The following JARID2 variants were observed in gnomAD, a reference collection of about 807,000 sequenced individuals.
JARID2 encodes the protein protein Jumonji.
Under a neutral mutation model 125.6 loss-of-function variants are expected in JARID2, and 21 were observed. The ratio of observed to expected loss-of-function variants is 0.17; its 90% CI spans 0.12 to 0.24. The LOEUF is 0.24. Ranked by LOEUF, JARID2 falls within the 10% of genes least tolerant of loss-of-function variation. The probability of loss-of-function intolerance (pLI) is 1.00; values close to 1 mark genes in which losing one functional copy is unlikely to be tolerated. For missense variants in JARID2, 1,303 were observed against 1,639.6 expected (o/e 0.79, Z 3.55); for synonymous variants, 736 against 661.6 (o/e 1.11, Z -1.73).
intron 5 of JARID2, among the ~76,000 whole-genome samples, chr6:15,479,267 G>A (rs1386629590): frequency 6.6e-6 from 1 of 152,138 alleles, no homozygotes; most frequent in African/African-American, 2.4e-5. Context: ...GGGCCAAGAG[G>A]GCCAAGAAGC....
chr6:15,482,444 A>G (rs1172725068), intron 5 of JARID2, among the ~76,000 whole-genome samples: 3 of 152,254 alleles, frequency 2.0e-5, no homozygotes, highest in African/African-American at 7.2e-5. Flanking sequence ...CATTTAAAAA[A>G]TGACACAAAC....
rs192353784 is a variant in JARID2 at position 15,312,395 on chromosome 6, T to C, written c.46-61722T>C. Among the ~76,000 whole-genome samples, 4 of 152,312 alleles carry C rather than the reference T, an allele frequency of 2.6e-5. No individual in the cohort carries two copies. In the South Asian group the frequency reaches 6.2e-4, roughly 24 times the overall value. On this transcript the variant is annotated intron_variant, in intron 1 of 17. Transcript: ENST00000341776. ...AAAACCAATCTTATTGAAGTAAAAT[T>C]TATACATGCAGCCATTTCAGGTGTA... is the stretch of plus-strand genomic sequence containing the variant.
At chr6:15,308,600 AAAC>A (rs1299962348) in intron 1 of JARID2, among the ~76,000 whole-genome samples, 3 of 152,184 alleles carry the variant, frequency 2.0e-5, no homozygotes, top group Admixed American at 6.5e-5. Flanking sequence ...CCTTCCTTAA[AAAC>A]AACGAGATTA....
chr6:15,448,236 T>G (rs897818120), intron 3 of JARID2, among the ~76,000 whole-genome samples: 49 of 152,342 alleles, frequency 3.2e-4, no homozygotes, highest in Admixed American at 8.5e-4. Flanking sequence ...CACTTTTTAA[T>G]GTGTTATTGC....
At chr6:15,359,582 G>A (rs1054336854) in intron 1 of JARID2, among the ~76,000 whole-genome samples, 2 of 152,072 alleles carry the variant, frequency 1.3e-5, no homozygotes, top group African/African-American at 4.8e-5. Context: ...TGCATTGAAA[G>A]CCTAAGTATA....
intron 1 of JARID2, among the ~76,000 whole-genome samples, chr6:15,278,502 C>T (rs189636066): frequency 6.6e-6 from 1 of 152,136 alleles, no homozygotes; most frequent in African/African-American, 2.4e-5. Context: ...AGGAGAATGG[C>T]GTGAACCCGG....
At chr6:15,425,824 ACAAG>A (rs1766701698) in intron 3 of JARID2, among the ~76,000 whole-genome samples, 1 of 152,256 alleles carries the variant, frequency 6.6e-6, no homozygotes, top group East Asian at 1.9e-4. Flanking sequence ...TTTGTGGAAC[ACAAG>A]CAGAGTGACT....
chr6:15,503,626 C>G (rs576369456), intron 8 of JARID2, among the ~76,000 whole-genome samples: 22 of 152,140 alleles, frequency 1.4e-4, no homozygotes, highest in African/African-American at 3.9e-4. Flanking sequence ...GGAAGCTCCT[C>G]GAGGTTTTGT....
At chr6:15,502,822 G>A (rs1051075395) in intron 8 of JARID2, among the ~76,000 whole-genome samples, 2 of 152,228 alleles carry the variant, frequency 1.3e-5, no homozygotes, top group African/African-American at 4.8e-5. Context: ...GGGATGCGGT[G>A]TGGGGGTTGC....
chr6:15,331,637 A>G (rs986295044), intron 1 of JARID2, among the ~76,000 whole-genome samples: 57 of 152,232 alleles, frequency 3.7e-4, no homozygotes, highest in African/African-American at 1.3e-3. Flanking sequence ...AGGCTGAGGC[A>G]GGCTGATCAC....
At position 15,313,454 on chromosome 6, in the gene JARID2, C is replaced by A. The variant is rs1352226066; in HGVS notation, c.46-60663C>A. On this transcript the variant is annotated intron_variant, in intron 1 of 17. Transcript: ENST00000341776. ...CACAAGCAGTACAGACAGGGTCTTG[C>A]ATTTGTGCCTCTTCACTGGTGACTT... Among the ~76,000 whole-genome samples the A allele has an allele frequency of 4.6e-5, 7 of 152,166 alleles. No homozygotes were observed. In the East Asian group the frequency reaches 1.3e-3, roughly 29 times the overall value.
intron 6 of JARID2, among the ~76,000 whole-genome samples, chr6:15,494,433 T>TTTTTTTTTTTTTG (rs1554144113): frequency 6.8e-6 from 1 of 147,296 alleles, no homozygotes; most frequent in African/African-American, 2.5e-5. Context: ...TTTTTTTTTT[T>TTTTTTTTTTTTTG]GAGACAAGAG....
intron 1 of JARID2, among the ~76,000 whole-genome samples, chr6:15,296,957 TC>T (rs1207999030): frequency 1.3e-5 from 2 of 152,236 alleles, no homozygotes; most frequent in African/African-American, 4.8e-5. Flanking sequence ...CCTGCTTACA[TC>T]CTGTGACTGT....
chr6:15,256,638 T>G (rs1284345985), intron 1 of JARID2, among the ~76,000 whole-genome samples: 1 of 152,170 alleles, frequency 6.6e-6, no homozygotes, highest in Non-Finnish European at 1.5e-5. Flanking sequence ...ATTTTATTCC[T>G]CTACTTGCTT....
chr6:15,415,958 C>T (rs1395381698), intron 3 of JARID2, among the ~76,000 whole-genome samples: 4 of 148,710 alleles, frequency 2.7e-5, no homozygotes, highest in South Asian at 2.1e-4. Flanking sequence ...GGAGGGTCTC[C>T]TCACTTCTCA....
chr6:15,448,970 T>TAA (rs565268358), intron 3 of JARID2, among the ~76,000 whole-genome samples: 2 of 145,338 alleles, frequency 1.4e-5, no homozygotes, highest in African/African-American at 2.5e-5. Context: ...TTTATGTAAT[T>TAA]AAAAAAAAAA....
chr6:15,513,160 G>A (rs1771360391), intron 15 of JARID2, 79 bp from the exon 16 acceptor site: 2 of 1,506,352 alleles, frequency 1.3e-6, no homozygotes, highest in Middle Eastern at 2.3e-4. Context: ...GGAGGCCGGT[G>A]TGGGGTGCGT....
chr6:15,275,321 C>G (rs1239404936), intron 1 of JARID2, among the ~76,000 whole-genome samples: 1 of 152,022 alleles, frequency 6.6e-6, no homozygotes, highest in Admixed American at 6.6e-5. Flanking sequence ...TCCTTTTTTA[C>G]AAAGGCCATG....
intron 2 of JARID2, among the ~76,000 whole-genome samples, chr6:15,388,591 AT>A: frequency 1.9e-5 from 1 of 52,942 alleles, no homozygotes; most frequent in Admixed American, 2.2e-4. Flanking sequence ...ATTATAAAAT[AT>A]ATATATATAA....
Sources: allele counts gnomAD v4.1 joint callset (sites outside exome capture counted in the v4.1 genomes callset), GRCh38; gene constraint gnomAD v4.1.1; transcripts MANE v1.5; gene names NCBI Gene and HGNC (gene_info 2026-07-23, HGNC 2026-07-21).